GALNTL6: variants seen among roughly 807,000 people sequenced by gnomAD.
GALNTL6 encodes polypeptide N-acetylgalactosaminyltransferase like 6.
GALNTL6 carries 46 observed loss-of-function variants against 73.7 expected under a neutral mutation model. The ratio of observed to expected loss-of-function variants is 0.62; its 90% CI spans 0.49 to 0.80. The LOEUF is 0.80. GALNTL6 is among the 30% of genes least tolerant of loss of function. The pLI is 0.00. For missense variants in GALNTL6, 604 were observed against 755.0 expected, an observed-to-expected ratio of 0.80 and a Z score of 2.34; for synonymous variants, 259 against 263.7, an observed-to-expected ratio of 0.98 and a Z score of 0.17.
At chr4:172,712,090 G>A (rs184636291) in intron 5 of GALNTL6, among the ~76,000 whole-genome samples, 41 of 152,236 alleles carry the variant, frequency 2.7e-4, no homozygotes, top group African/African-American at 8.7e-4. Context: ...TTCTGTGTAG[G>A]CATGTAGGGT....
At chr4:172,557,658 T>C (rs147658784) in intron 5 of GALNTL6, among the ~76,000 whole-genome samples, 32 of 152,302 alleles carry the variant, frequency 2.1e-4, no homozygotes, top group Non-Finnish European at 4.6e-4. Context: ...CCATTAGTCG[T>C]CATGAAATGG....
At chr4:172,200,895 A>G (rs1185163542) in intron 2 of GALNTL6, among the ~76,000 whole-genome samples, 1 of 152,230 alleles carries the variant, frequency 6.6e-6, no homozygotes, top group African/African-American at 2.4e-5. Context: ...GCAAAAATAA[A>G]CTATCACTTT....
chr4:172,705,740 G>T (rs1480333723), intron 5 of GALNTL6, among the ~76,000 whole-genome samples: 2 of 151,786 alleles, frequency 1.3e-5, no homozygotes, highest in Non-Finnish European at 2.9e-5. Flanking sequence ...AGCTTTGTTG[G>T]GTACACAATT....
intron 2 of GALNTL6, among the ~76,000 whole-genome samples, chr4:172,228,697 A>G (rs1039408010): frequency 1.3e-5 from 2 of 152,180 alleles, no homozygotes; most frequent in African/African-American, 4.8e-5. Context: ...TTATTTCTGA[A>G]AAAGAACAAA....
At chr4:172,235,690 G>A (rs1737218850) in intron 3 of GALNTL6, among the ~76,000 whole-genome samples, 1 of 151,984 alleles carries the variant, frequency 6.6e-6, no homozygotes, top group Non-Finnish European at 1.5e-5. Flanking sequence ...GGTTTGTTAT[G>A]AGGGTATATT....
chr4:172,600,738 C>A (rs991953801), intron 5 of GALNTL6, among the ~76,000 whole-genome samples: 7 of 151,836 alleles, frequency 4.6e-5, no homozygotes, highest in African/African-American at 1.7e-4. Flanking sequence ...CTAGAAGTAT[C>A]AAATTTGAGA....
intron 2 of GALNTL6, among the ~76,000 whole-genome samples, chr4:172,034,347 T>C (rs1741863437): frequency 6.6e-6 from 1 of 151,138 alleles, no homozygotes; most frequent in Non-Finnish European, 1.5e-5. Flanking sequence ...AGGCAACCCA[T>C]AATTTAGGAA....
intron 2 of GALNTL6, among the ~76,000 whole-genome samples, chr4:172,168,885 T>A (rs1295190665): frequency 6.6e-6 from 1 of 152,180 alleles, no homozygotes; most frequent in Non-Finnish European, 1.5e-5. Context: ...AAAACTACAC[T>A]TTTGTACTAA....
chr4:172,879,620 A>G (rs879577952), intron 7 of GALNTL6, among the ~76,000 whole-genome samples: 1 of 151,944 alleles, frequency 6.6e-6, no homozygotes, highest in Non-Finnish European at 1.5e-5. Context: ...GTAGTCTGCT[A>G]AAGCAATAGG....
intron 8 of GALNTL6, among the ~76,000 whole-genome samples, chr4:172,905,812 C>CAAAA (rs397996287): frequency 0.028 from 1,931 of 69,412 alleles, 25 homozygotes; most frequent in African/African-American, 0.044. Context: ...AGAGATCACT[C>CAAAA]AAAAAAAAAA....
chr4:172,151,238 T>C (rs1734078717), intron 2 of GALNTL6, among the ~76,000 whole-genome samples: 2 of 152,268 alleles, frequency 1.3e-5, no homozygotes, highest in South Asian at 2.1e-4. Context: ...AGAAAATATA[T>C]ATTCTAAGCT....
chr4:172,127,807 T>C (rs532177735), intron 2 of GALNTL6, among the ~76,000 whole-genome samples: 1 of 152,218 alleles, frequency 6.6e-6, no homozygotes, highest in Admixed American at 6.5e-5. Context: ...GGGACATACA[T>C]AAAAGTGTCT....
chr4:171,876,133 T>C lies in GALNTL6; in HGVS notation c.138+61415T>C, dbSNP rs147750376. The stretch of plus-strand genomic sequence containing the variant: ...ATTTTCTGTTCAATAAACGGATTCT[T>C]AGCAAGGCTGTGGCTTCTCTGTTAC... On this transcript the variant is annotated intron_variant, in intron 2 of 12. Transcript: ENST00000506823. Among the ~76,000 whole-genome samples, 702 of 152,314 alleles carry C rather than the reference T, an allele frequency of 4.6e-3. 3 individuals carry two copies. The highest frequency in any genetic ancestry group is 0.016 in the African/African-American group (661 of 41,578).
intron 5 of GALNTL6, among the ~76,000 whole-genome samples, chr4:172,458,510 A>G (rs1732489417): frequency 6.6e-6 from 1 of 152,088 alleles, no homozygotes; most frequent in Non-Finnish European, 1.5e-5. Flanking sequence ...GATGAATCAA[A>G]TAGAGGCAAT....
At chr4:172,364,162 G>A (rs1311336656) in intron 5 of GALNTL6, among the ~76,000 whole-genome samples, 1 of 152,318 alleles carries the variant, frequency 6.6e-6, no homozygotes, top group African/African-American at 2.4e-5. Flanking sequence ...GCTCATGCCT[G>A]TATTTTCAGC....
At chr4:172,130,097 A>G (rs1403587186) in intron 2 of GALNTL6, among the ~76,000 whole-genome samples, 1 of 152,008 alleles carries the variant, frequency 6.6e-6, no homozygotes, top group East Asian at 1.9e-4. Context: ...GTTTTGAGGT[A>G]ATTATTCTTG....
chr4:172,375,385 A>G (rs976108718), intron 5 of GALNTL6, among the ~76,000 whole-genome samples: 1 of 152,158 alleles, frequency 6.6e-6, no homozygotes, highest in African/African-American at 2.4e-5. Context: ...CCTCTTTCTC[A>G]GGGTTTGTGG....
intron 2 of GALNTL6, among the ~76,000 whole-genome samples, chr4:172,197,503 A>C (rs1216042468): frequency 6.6e-6 from 1 of 152,194 alleles, no homozygotes; most frequent in Non-Finnish European, 1.5e-5. Context: ...AGCAAAAAGA[A>C]CAAAAGTGGA....
intron 10 of GALNTL6, among the ~76,000 whole-genome samples, chr4:172,972,852 G>A (rs1750644591): frequency 6.6e-6 from 1 of 152,154 alleles, no homozygotes; most frequent in African/African-American, 2.4e-5. Flanking sequence ...ACAAAATGTT[G>A]TAAATTTAAA....
Sources: gnomAD v4.1 joint callset for allele counts (sites outside exome capture counted in the v4.1 genomes callset) on GRCh38, gnomAD v4.1.1 for gene constraint, MANE v1.5 for transcripts, NCBI Gene and HGNC (gene_info 2026-07-23, HGNC 2026-07-21) for gene names.